Variants in RBP2 observed in about 807,000 individuals in gnomAD.
RBP2 encodes retinol-binding protein 2.
RBP2 carries 17 observed loss-of-function variants against 17.0 expected under a neutral mutation model. The ratio of observed to expected loss-of-function variants is 1.00; its 90% CI spans 0.68 to 1.50. The LOEUF is 1.50. RBP2 is among the 40% of genes most tolerant of loss of function. The probability of loss-of-function intolerance (pLI) is 0.00; values close to 1 mark genes in which losing one functional copy is unlikely to be tolerated. For synonymous variants in RBP2, 48 were observed against 57.1 expected (o/e 0.84, Z 0.72); for missense variants, 158 against 168.2 (o/e 0.94, Z 0.33).
chr3:139,470,829 C>G (rs1933541309), intron 1 of RBP2, among the ~76,000 whole-genome samples: 1 of 152,116 alleles, frequency 6.6e-6, no homozygotes, highest in South Asian at 2.1e-4. Flanking sequence ...TCATGTCACC[C>G]TCTTGCCTTG....
chr3:139,461,188 G>T (rs1933175550), intron 2 of RBP2, among the ~76,000 whole-genome samples: 1 of 152,146 alleles, frequency 6.6e-6, no homozygotes, highest in South Asian at 2.1e-4. Flanking sequence ...GTGATGCTGG[G>T]GAGAGCTGCT....
At chr3:139,461,680 C>G (rs1486482537) in intron 2 of RBP2, among the ~76,000 whole-genome samples, 1 of 152,184 alleles carries the variant, frequency 6.6e-6, no homozygotes, top group Non-Finnish European at 1.5e-5. Flanking sequence ...ATAAAAACAT[C>G]TGATTTCTCT....
intron 1 of RBP2, among the ~76,000 whole-genome samples, chr3:139,467,889 A>G (rs529146205): frequency 2.6e-5 from 4 of 152,254 alleles, no homozygotes; most frequent in African/African-American, 9.6e-5. Context: ...TAGGCATTTT[A>G]TCCAGCCTGG....
At chr3:139,469,687 G>GTCTTA (rs1432677359) in intron 1 of RBP2, among the ~76,000 whole-genome samples, 6 of 132,868 alleles carry the variant, frequency 4.5e-5, no homozygotes, top group African/African-American at 1.9e-4. Context: ...CTGTCTGTCT[G>GTCTTA]TCTATCTATC....
At chr3:139,462,031 A>ATTT in intron 2 of RBP2, 81 bp downstream of exon 2, 2 of 1,341,766 alleles carry the variant, frequency 1.5e-6, no homozygotes, top group Non-Finnish European at 2.0e-6. Context: ...TGTTTCTAAT[A>ATTT]TTTTTTTTTT....
At chr3:139,466,051 C>G (rs920776344) in intron 1 of RBP2, among the ~76,000 whole-genome samples, 4 of 151,748 alleles carry the variant, frequency 2.6e-5, no homozygotes, top group African/African-American at 7.3e-5. Flanking sequence ...GTTTGGTGGT[C>G]AAAAAAATGG....
At chr3:139,472,390 C>T (rs558254232) in intron 1 of RBP2, among the ~76,000 whole-genome samples, 2 of 152,342 alleles carry the variant, frequency 1.3e-5, no homozygotes, top group Admixed American at 1.3e-4. Flanking sequence ...GGGTCTATGT[C>T]CCTTTTCCTT....
At chr3:139,470,276 A>G (rs1933519178) in intron 1 of RBP2, among the ~76,000 whole-genome samples, 1 of 152,124 alleles carries the variant, frequency 6.6e-6, no homozygotes, top group Non-Finnish European at 1.5e-5. Context: ...CCTGGGACCC[A>G]AATTCATTTC....
chr3:139,469,659 ATCTATCTGTCTG>A (rs1178947921), intron 1 of RBP2, among the ~76,000 whole-genome samples: 2 of 129,598 alleles, frequency 1.5e-5, no homozygotes, highest in African/African-American at 5.5e-5. Flanking sequence ...AGCATCAGAC[ATCTATCTGTCTG>A]TCTGTCTGTC....
chr3:139,463,332 G>A (rs1459273756), intron 1 of RBP2, among the ~76,000 whole-genome samples: 3 of 151,994 alleles, frequency 2.0e-5, no homozygotes, highest in African/African-American at 7.3e-5. Flanking sequence ...GACTACAGGT[G>A]CCCACCACCA....
chr3:139,464,583 C>T (rs1213120866), intron 1 of RBP2, among the ~76,000 whole-genome samples: 1 of 152,198 alleles, frequency 6.6e-6, no homozygotes, highest in East Asian at 1.9e-4. Context: ...AGAAAGGGCC[C>T]TGGGTACCTT....
chr3:139,465,894 C>G (rs911029945), intron 1 of RBP2, among the ~76,000 whole-genome samples: 1 of 152,170 alleles, frequency 6.6e-6, no homozygotes, highest in Non-Finnish European at 1.5e-5. Flanking sequence ...GTCCAAGTCA[C>G]ATAGCCTGTG....
chr3:139,454,772 T>G lies in RBP2; in HGVS notation c.311A>C (p.Asn104Thr). The G allele has an allele frequency of 6.2e-7, 1 of 1,614,118 alleles. No individual in the cohort carries two copies. Among genetic ancestry groups the G allele is most frequent in the Non-Finnish European group, 8.5e-7 (1 of 1,180,000 alleles). Residue 104 changes from asparagine (N) to threonine (T), a missense_variant, in exon 3 of 4, where the codon AAC (asparagine) becomes ACC (threonine). Asn to Thr is a moderately conservative substitution (Grantham distance 65). Transcript: ENST00000232217. Reference protein sequence around the residue: ...LVCVQKGEKENRGWKQWIEGD... With the variant: ...LVCVQKGEKETRGWKQWIEGD... The stretch of plus-strand genomic sequence containing the variant: ...CTCAATCCACTGCTTCCAGCCGCGG[T>G]TCTCCTTCTCCCCCTTTTGCACACA...
At chr3:139,473,517 C>T (rs1285348531) in intron 1 of RBP2, among the ~76,000 whole-genome samples, 1 of 152,176 alleles carries the variant, frequency 6.6e-6, no homozygotes, top group Admixed American at 6.5e-5. Flanking sequence ...CCATCCTTAA[C>T]AATAGTCACA....
Position 139,476,418 on chromosome 3 carries a change from A to T in RBP2, c.42T>A (p.Asn14Lys), listed in dbSNP as rs1276097516. 6.2e-7 allele frequency: 1 copy of T among 1,613,320 alleles called. No individual in the cohort carries two copies. The highest frequency in any genetic ancestry group is 1.7e-5 in the Admixed American group (1 of 59,922). The change falls in exon 1 of 4, where the codon AAT (asparagine) becomes AAA (lysine). Residue 14 changes from asparagine to lysine, a missense_variant. Physicochemically the swap from Asn to Lys is moderately conservative, Grantham distance 94 (BLOSUM62 0). Coordinates refer to ENST00000232217, the MANE Select transcript of RBP2 (RefSeq NM_004164.3). ...CCTTCATGTAGCCCTCAAAGTTTTC[A>T]TTACTCTCCATCTCCCAGGTTCCAT... Reference protein sequence around the residue: ...DQNGTWEMESNENFEGYMKAL... With the variant: ...DQNGTWEMESKENFEGYMKAL...
intron 1 of RBP2, among the ~76,000 whole-genome samples, chr3:139,474,859 T>C (rs1401395134): frequency 6.6e-6 from 1 of 152,126 alleles, no homozygotes; most frequent in East Asian, 1.9e-4. Context: ...CAGAATCCCA[T>C]TTCTATTGGC....
intron 2 of RBP2, 114 bp from the exon 3 acceptor site, chr3:139,454,944 C>G (rs1943369975): frequency 3.0e-6 from 3 of 1,003,640 alleles, no homozygotes; most frequent in Non-Finnish European, 4.6e-6. Context: ...ACTCGAAGGG[C>G]AGAGCCCTCA....
chr3:139,454,312 G>T (rs1173008280), intron 3 of RBP2, among the ~76,000 whole-genome samples: 4 of 152,112 alleles, frequency 2.6e-5, no homozygotes, highest in African/African-American at 7.2e-5. Context: ...ACCTGTGGCA[G>T]TTCCCAGGCA....
chr3:139,453,165 T>C lies in RBP2; in HGVS notation c.356A>G (p.Glu119Gly). ...GCACACCTGGTCACCACAGGTCAGC[T>C]CCTGCAACGTCAGAAAGTGGGTGAG... The part of the protein sequence containing the change: ...QWIEGDKLYL[E>G]LTCGDQVCRQ... The change falls in exon 4 of 4, where the codon GAG (glutamate) becomes GGG (glycine). Residue 119 changes from glutamate to glycine, a missense_variant and splice_region_variant. Glu to Gly is a moderately conservative substitution (Grantham distance 98, BLOSUM62 -2). Coordinates refer to ENST00000232217, the MANE Select transcript of RBP2 (RefSeq NM_004164.3). The C allele has an allele frequency of 6.2e-7, 1 of 1,614,100 alleles. No individual in the cohort carries two copies. Among genetic ancestry groups the C allele is most frequent in the Non-Finnish European group, 8.5e-7 (1 of 1,180,004 alleles).
Sources: allele counts gnomAD v4.1 joint callset (sites outside exome capture counted in the v4.1 genomes callset), GRCh38; gene constraint gnomAD v4.1.1; transcripts MANE v1.5; gene names NCBI Gene and HGNC (gene_info 2026-07-23, HGNC 2026-07-21).